The following RIC8B variants were observed in gnomAD, a reference collection of about 807,000 sequenced individuals.
RIC8B encodes RIC8 guanine nucleotide exchange factor B.
Under a neutral mutation model 57.5 loss-of-function variants are expected in RIC8B, and 16 were observed. The ratio of observed to expected loss-of-function variants is 0.28; its 90% CI spans 0.19 to 0.42. The LOEUF (loss-of-function observed/expected upper bound fraction) is 0.42. Ranked by LOEUF, RIC8B falls within the 10% of genes least tolerant of loss-of-function variation. The pLI is 1.00. For synonymous variants in RIC8B, 216 were observed against 250.8 expected (o/e 0.86, Z 1.31); for missense variants, 481 against 677.0 (o/e 0.71, Z 3.21).
chr12:106,840,920 G>C (rs1171693214), intron 4 of RIC8B, among the ~76,000 whole-genome samples: 1 of 152,050 alleles, frequency 6.6e-6, no homozygotes, highest in African/African-American at 2.4e-5. Flanking sequence ...TTTCAGAATG[G>C]CTTGTATACA....
At position 106,856,344 on chromosome 12, in the gene RIC8B, C is replaced by A. The variant is rs80086244; in HGVS notation, c.1307-3924C>A. On this transcript the variant is annotated intron_variant, in intron 7 of 9. Transcript: ENST00000392837. ...TTCTCTGTTGCCTGCATGGTAAAAA[C>A]CAAATTTTACCTCCACAGAGTCTCT... is the stretch of plus-strand genomic sequence containing the variant. 4.6e-5 allele frequency among the ~76,000 whole-genome samples: 7 copies of A among 152,208 alleles called. No individual in the cohort carries two copies. The East Asian group carries it at 5.8e-4, about 13-fold the overall frequency.
intron 8 of RIC8B, among the ~76,000 whole-genome samples, chr12:106,862,278 T>C (rs1176061510): frequency 6.6e-6 from 1 of 152,116 alleles, no homozygotes; most frequent in Non-Finnish European, 1.5e-5. Flanking sequence ...TAAGTATAAA[T>C]GTGTGTTTTT....
intron 4 of RIC8B, among the ~76,000 whole-genome samples, chr12:106,838,723 A>C (rs2046730495): frequency 6.6e-6 from 1 of 152,188 alleles, no homozygotes. Context: ...CAAAGGAAAC[A>C]GTCAACAAAA....
intron 8 of RIC8B, chr12:106,868,305 A>G (rs892905448): frequency 8.8e-6 from 4 of 456,730 alleles, no homozygotes; most frequent in Admixed American, 4.7e-5. Context: ...TTACAGCTCC[A>G]TTGAATTTGA....
At chr12:106,820,010 A>T (rs1269913217) in intron 3 of RIC8B, among the ~76,000 whole-genome samples, 1 of 152,032 alleles carries the variant, frequency 6.6e-6, no homozygotes, top group Non-Finnish European at 1.5e-5. Flanking sequence ...GTGTTTTTAT[A>T]TATGTTGCCA....
At position 106,786,007 on chromosome 12, in the gene RIC8B, C is replaced by G. The variant is rs146841426; in HGVS notation, c.132+1963C>G. 9.4e-3 allele frequency among the ~76,000 whole-genome samples: 1,431 copies of G among 151,652 alleles called. 12 individuals carry two copies. Among genetic ancestry groups the G allele is most frequent in the Non-Finnish European group, 0.016 (1,093 of 67,914 alleles). On this transcript the variant is annotated intron_variant, in intron 2 of 9. Transcript: ENST00000392837. ...GAATACAGGTATGTGCCACCATGCCCAGCCAATTTTTAAATTTTTTGTAGA... is the reference window on the plus strand; with the variant it reads ...GAATACAGGTATGTGCCACCATGCCGAGCCAATTTTTAAATTTTTTGTAGA...
chr12:106,837,634 C>CTTTTTTTTTTTTTTTTTTTTTTTTT (rs1298629651), intron 4 of RIC8B, among the ~76,000 whole-genome samples: 2 of 122,164 alleles, frequency 1.6e-5, no homozygotes, highest in Non-Finnish European at 3.4e-5. Flanking sequence ...ATCTGAAAAT[C>CTTTTTTTTTTTTTTTTTTTTTTTTT]TTTTGTTTTT....
chr12:106,843,813 C>T, intron 5 of RIC8B, 39 bp from the exon 6 acceptor site: 1 of 1,420,016 alleles, frequency 7.0e-7, no homozygotes, highest in Non-Finnish European at 9.7e-7. Context: ...AGAAACAAAA[C>T]TAACGTATTT....
chr12:106,855,741 A>G (rs994113692), intron 7 of RIC8B, among the ~76,000 whole-genome samples: 4 of 152,008 alleles, frequency 2.6e-5, no homozygotes, highest in African/African-American at 4.8e-5. Context: ...TTTGGTCCCA[A>G]TCCTCACTTC....
At chr12:106,814,506 T>G (rs1471713547) in intron 2 of RIC8B, among the ~76,000 whole-genome samples, 190 bp from the exon 3 acceptor site, 1 of 152,234 alleles carries the variant, frequency 6.6e-6, no homozygotes, top group Non-Finnish European at 1.5e-5. Context: ...CAGCTATGAT[T>G]CAAACTGATT....
chr12:106,879,359 A>T lies in RIC8B; in HGVS notation c.1572-6545A>T, dbSNP rs1950815559. On this transcript the variant is annotated intron_variant, in intron 9 of 9. Coordinates refer to ENST00000392837, the MANE Select transcript of RIC8B (RefSeq NM_001330145.2). The surrounding 1 kb of genome is among the most constrained non-coding windows in gnomAD (Gnocchi z 4.9). ...ATATTGTGCGATTGGGTATGTTAGTATCTGAACCCCAATTTTGCACTGTCA... is the reference window on the plus strand; with the variant it reads ...ATATTGTGCGATTGGGTATGTTAGTTTCTGAACCCCAATTTTGCACTGTCA... 1.0e-6 allele frequency: 1 copy of T among 985,332 alleles called. No homozygotes were observed. Among genetic ancestry groups the T allele is most frequent in the Non-Finnish European group, 1.2e-6 (1 of 829,898 alleles). The allele number at this position is 985,332 out of a possible 1,614,324, so 61.0% of individuals were successfully genotyped here. A position where few individuals can be genotyped will look rare whatever the true frequency, so the allele number is the denominator to read the frequency against.
intron 2 of RIC8B, among the ~76,000 whole-genome samples, chr12:106,786,201 G>C (rs1255563324): frequency 7.0e-6 from 1 of 143,138 alleles, no homozygotes; most frequent in Non-Finnish European, 1.5e-5. Context: ...CCAGGCTGGA[G>C]TGCAGTGGCG....
intron 2 of RIC8B, among the ~76,000 whole-genome samples, chr12:106,789,807 C>T (rs2044189948): frequency 6.6e-6 from 1 of 152,040 alleles, no homozygotes; most frequent in Non-Finnish European, 1.5e-5. Flanking sequence ...CCAGCAACTA[C>T]TTAGTAACAG....
Position 106,879,473 on chromosome 12 carries a change from T to G in RIC8B, c.1572-6431T>G. 1 of 985,184 alleles carries G rather than the reference T, an allele frequency of 1.0e-6. No homozygotes were observed. The highest frequency in any genetic ancestry group is 1.2e-6 in the Non-Finnish European group (1 of 829,880). 61.0% of individuals were successfully genotyped at this position (985,184 alleles called of 1,614,324 possible). A position where few individuals can be genotyped will look rare whatever the true frequency, so the allele number is the denominator to read the frequency against. On this transcript the variant is annotated intron_variant, in intron 9 of 9. Transcript: ENST00000392837. The surrounding 1 kb of genome is among the most constrained non-coding windows in gnomAD (Gnocchi z 4.9). ...CTGAGAAGTCATATAAGCCCAGGCATCCTAGAGTATACCATACTTACAGGC... is the reference window on the plus strand; with the variant it reads ...CTGAGAAGTCATATAAGCCCAGGCAGCCTAGAGTATACCATACTTACAGGC...
intron 4 of RIC8B, among the ~76,000 whole-genome samples, chr12:106,829,273 C>T (rs1351568122): frequency 4.6e-5 from 7 of 152,134 alleles, no homozygotes; most frequent in Non-Finnish European, 7.3e-5. Flanking sequence ...CACTCCAGTC[C>T]ATAATCAACA....
intron 4 of RIC8B, among the ~76,000 whole-genome samples, chr12:106,829,683 G>C (rs1593235360): frequency 6.6e-6 from 1 of 151,996 alleles, no homozygotes; most frequent in South Asian, 2.1e-4. Context: ...GTACAATTTG[G>C]TGGTTCTATT....
In RIC8B at chr12:106,783,109, G is replaced by C. The variant is rs374386159; in HGVS notation, c.85-888G>C. Among the ~76,000 whole-genome samples, 15 of 152,214 alleles carry C rather than the reference G, an allele frequency of 9.9e-5. No homozygotes were observed. In the East Asian group the frequency reaches 1.5e-3, roughly 16 times the overall value. On this transcript the variant is annotated intron_variant, in intron 1 of 9. Coordinates refer to ENST00000392837, the MANE Select transcript of RIC8B (RefSeq NM_001330145.2). The stretch of plus-strand genomic sequence containing the variant: ...CTTCAGCTACAGAGTAGAAAATATA[G>C]TATTGCCAATCATTGCAGAAGAGTC...
At chr12:106,823,608 A>T (rs2045955736) in intron 3 of RIC8B, among the ~76,000 whole-genome samples, 1 of 152,232 alleles carries the variant, frequency 6.6e-6, no homozygotes, top group Admixed American at 6.5e-5. Flanking sequence ...GTTAATTTTT[A>T]AAACTAAGGG....
Position 106,886,151 on chromosome 12 carries a change from C to A in RIC8B, c.*136C>A. 1 of 651,084 alleles carries A rather than the reference C, an allele frequency of 1.5e-6. No individual in the cohort carries two copies. The highest frequency in any genetic ancestry group is 2.7e-6 in the Non-Finnish European group (1 of 375,542). 40.3% of individuals were successfully genotyped at this position (651,084 alleles called of 1,614,324 possible). A position where few individuals can be genotyped will look rare whatever the true frequency, so the allele number is the denominator to read the frequency against. The stretch of plus-strand genomic sequence containing the variant: ...TTAACTGGTTTACTCATTGAGAATC[C>A]AGCATATTTAAGAGGTGACCCTGTG... On this transcript the variant is annotated 3_prime_UTR_variant, in exon 10 of 10. Transcript: ENST00000392837.
Sources: gnomAD v4.1 joint callset for allele counts (sites outside exome capture counted in the v4.1 genomes callset) on GRCh38, gnomAD v4.1.1 for gene constraint, Gnocchi (gnomAD v3.1) non-coding constraint, MANE v1.5 for transcripts, NCBI Gene and HGNC (gene_info 2026-07-23, HGNC 2026-07-21) for gene names.